The following CCNC variants were observed in gnomAD, a reference collection of about 807,000 sequenced individuals.
The protein encoded by CCNC is cyclin-C.
In CCNC, 19 loss-of-function variants were observed where a neutral mutation model predicts 50.0. The observed-to-expected ratio is 0.38, with a 90% CI of 0.27 to 0.56. The LOEUF is 0.56. Ranked by LOEUF, CCNC falls within the 20% of genes least tolerant of loss-of-function variation. The pLI is 0.72. For missense variants in CCNC, 200 were observed against 327.1 expected (o/e 0.61, Z 3.00); for synonymous variants, 93 against 103.7 (o/e 0.90, Z 0.63).
chr6:99,547,106 T>A (rs1169730022), intron 9 of CCNC, among the ~76,000 whole-genome samples: 1 of 152,194 alleles, frequency 6.6e-6, no homozygotes, highest in Non-Finnish European at 1.5e-5. Flanking sequence ...ATCTACATCA[T>A]AATTTTGCCT....
intron 5 of CCNC, among the ~76,000 whole-genome samples, chr6:99,555,563 T>C (rs1431074118): frequency 6.6e-6 from 1 of 152,078 alleles, no homozygotes; most frequent in Non-Finnish European, 1.5e-5. Flanking sequence ...TCAGCCTAGT[T>C]GAGTAGCTAG....
chr6:99,550,835 C>T (rs957880185), intron 7 of CCNC, 158 bp downstream of exon 7: 1 of 344,192 alleles, frequency 2.9e-6, no homozygotes, highest in African/African-American at 2.1e-5. Flanking sequence ...TTCAGAGAGA[C>T]TCTAGGTGCT....
intron 5 of CCNC, 73 bp from the exon 6 acceptor site, chr6:99,551,968 C>T: frequency 9.3e-7 from 1 of 1,077,736 alleles, no homozygotes; most frequent in Non-Finnish European, 1.3e-6. Flanking sequence ...TTTAACAGAG[C>T]AGAATATTAG....
At chr6:99,556,699 A>G (rs1352722786) in intron 5 of CCNC, among the ~76,000 whole-genome samples, 1 of 152,150 alleles carries the variant, frequency 6.6e-6, no homozygotes, top group East Asian at 1.9e-4. Flanking sequence ...GCACTTTGGG[A>G]GGCCTGAGGT....
Sources: allele counts gnomAD v4.1 joint callset (sites outside exome capture counted in the v4.1 genomes callset), GRCh38; gene constraint gnomAD v4.1.1; transcripts MANE v1.5; gene names NCBI Gene and HGNC (gene_info 2026-07-23, HGNC 2026-07-21).